The following DDX39B variants were observed in gnomAD, a reference collection of about 807,000 sequenced individuals.
The protein encoded by DDX39B is DExD-box helicase 39B, also known as spliceosome RNA helicase DDX39B.
In DDX39B, 6 loss-of-function variants were observed where a neutral mutation model predicts 46.4. That is an observed-to-expected ratio of 0.13 (90% CI 0.07 to 0.26). The LOEUF (loss-of-function observed/expected upper bound fraction) is 0.26, where lower values mean the gene tolerates loss of function less well. Among genes scored for constraint, DDX39B ranks in the 10% least tolerant of loss-of-function variants. DDX39B has a pLI of 1.00. For missense variants in DDX39B, 185 were observed against 553.4 expected (o/e 0.33, Z 6.68); for synonymous variants, 174 against 199.4 (o/e 0.87, Z 1.07).
rs1767296667 is a variant in DDX39B at position 31,532,600 on chromosome 6, C to T, written c.867+180G>A. The stretch of plus-strand genomic sequence containing the variant: ...GTTATTGAGGACATACCCGTGCCAG[C>T]CATAGAATAGAAAAGCAGCTCCCAC... On this transcript the variant is annotated intron_variant, in intron 7 of 10. Transcript: ENST00000396172. 5.6e-6 allele frequency: 4 copies of T among 711,404 alleles called. No individual in the cohort carries two copies. The South Asian group carries it at 7.9e-5, about 14-fold the overall frequency. The allele number at this position is 711,404 out of a possible 1,614,324, so 44.1% of individuals were successfully genotyped here. A position where few individuals can be genotyped will look rare whatever the true frequency, so the allele number is the denominator to read the frequency against.
intron 4 of DDX39B, among the ~76,000 whole-genome samples, chr6:31,537,240 A>C (rs1767883931): frequency 6.6e-6 from 1 of 152,206 alleles, no homozygotes; most frequent in Admixed American, 6.5e-5. Flanking sequence ...AGCCTGGCCA[A>C]CACGGTGAAA....
chr6:31,537,823 G>A (rs1767952790), intron 4 of DDX39B, among the ~76,000 whole-genome samples: 1 of 152,072 alleles, frequency 6.6e-6, no homozygotes, highest in Non-Finnish European at 1.5e-5. Flanking sequence ...ATCACTTGAG[G>A]TCAGGAGTTC....
intron 6 of DDX39B, chr6:31,533,125 G>C (rs1767377698): frequency 2.1e-6 from 1 of 473,536 alleles, no homozygotes; most frequent in Non-Finnish European, 3.9e-6. Context: ...TGAGTTTTAA[G>C]ACTGCCCAAC....
chr6:31,535,347 G>C lies in DDX39B; in HGVS notation c.735+20C>G, dbSNP rs767584076. On this transcript the variant is annotated intron_variant, in intron 6 of 10. Coordinates refer to ENST00000396172, the MANE Select transcript of DDX39B (RefSeq NM_004640.7). The surrounding 1 kb of genome is among the most constrained non-coding windows in gnomAD (Gnocchi z 4.6). The stretch of plus-strand genomic sequence containing the variant: ...GCAGCGGGCGGGGAGTGGAGGGAGA[G>C]AAGGTAGAAGGGTATTTACATCTTG... 3 of 1,608,506 alleles carry C rather than the reference G, an allele frequency of 1.9e-6. No homozygotes were observed. The East Asian group carries it at 6.7e-5, about 36-fold the overall frequency.
intron 1 of DDX39B, chr6:31,540,975 G>C: frequency 2.4e-6 from 1 of 423,454 alleles, no homozygotes; most frequent in Non-Finnish European, 4.6e-6. Context: ...GATAATAAAA[G>C]GTAAAATACG....
chr6:31,535,216 T>C lies in DDX39B; in HGVS notation c.735+151A>G, dbSNP rs1767651213. On this transcript the variant is annotated intron_variant, in intron 6 of 10. Coordinates refer to ENST00000396172, the MANE Select transcript of DDX39B (RefSeq NM_004640.7). This position sits in a 1 kb window ranked among gnomAD's most constrained non-coding sequence, Gnocchi z 4.6. ...GGCCCTAACACTAGCTGTCTCTGCTTCTGTATGTCTCTTCAAGGAGTCATT... is the reference window on the plus strand; with the variant it reads ...GGCCCTAACACTAGCTGTCTCTGCTCCTGTATGTCTCTTCAAGGAGTCATT... The C allele has an allele frequency of 1.3e-6, 1 of 744,672 alleles. No individual in the cohort carries two copies. The highest frequency in any genetic ancestry group is 1.5e-5 in the South Asian group (1 of 64,890). The allele number at this position is 744,672 out of a possible 1,614,324, so 46.1% of individuals were successfully genotyped here.
chr6:31,536,754 CTGTT>C (rs1239915430), intron 4 of DDX39B, 71 bp from the exon 5 acceptor site: 8 of 1,536,712 alleles, frequency 5.2e-6, no homozygotes, highest in South Asian at 2.4e-5. Context: ...GGTTCCCACT[CTGTT>C]TGAGCTAAAC....
At chr6:31,537,949 C>G (rs903652578) in intron 4 of DDX39B, among the ~76,000 whole-genome samples, 1 of 152,032 alleles carries the variant, frequency 6.6e-6, no homozygotes, top group East Asian at 1.9e-4. Context: ...GCGGGAGAAT[C>G]GCTTGAACGT....
intron 2 of DDX39B, 108 bp from the exon 3 acceptor site, chr6:31,539,382 T>G (rs1768146109): frequency 6.7e-7 from 1 of 1,494,740 alleles, no homozygotes; most frequent in African/African-American, 1.4e-5. Flanking sequence ...CAAAGTCTAG[T>G]ATTTACCTGG....
chr6:31,538,949 TAATA>T (rs1768085567), intron 3 of DDX39B, 94 bp from the exon 4 acceptor site: 1 of 1,487,694 alleles, frequency 6.7e-7, no homozygotes, highest in Non-Finnish European at 9.4e-7. Context: ...CCTGGGCCGA[TAATA>T]AATGACTTCA....
rs762530649 is a variant in DDX39B, at chr6:31,539,043, G to C, written c.339+104C>G. On this transcript the variant is annotated intron_variant, in intron 3 of 10. Transcript: ENST00000396172. ...TGTCAGGTTGTCAAGGGTAACAGAG[G>C]TCATGTGCTCATGGCTCTGCAAGCA... The C allele has an allele frequency of 2.5e-6, 4 of 1,593,538 alleles. 1 individual carries two copies.
At position 31,535,185 on chromosome 6, in the gene DDX39B, C is replaced by A; in HGVS notation, c.735+182G>T. ...AGTCTTCCGGAGTTTCCCTGGCACCCGCGCAGGCCCTAACACTAGCTGTCT... is the reference window on the plus strand; with the variant it reads ...AGTCTTCCGGAGTTTCCCTGGCACCAGCGCAGGCCCTAACACTAGCTGTCT... On this transcript the variant is annotated intron_variant, in intron 6 of 10. Transcript: ENST00000396172. The surrounding 1 kb of genome is among the most constrained non-coding windows in gnomAD (Gnocchi z 4.6). 1.6e-6 allele frequency: 1 copy of A among 637,068 alleles called. No individual in the cohort carries two copies. Among genetic ancestry groups the A allele is most frequent in the South Asian group, 1.9e-5 (1 of 53,914 alleles). 39.5% of individuals were successfully genotyped at this position (637,068 alleles called of 1,614,324 possible). A position where few individuals can be genotyped will look rare whatever the true frequency, so the allele number is the denominator to read the frequency against.
chr6:31,534,606 G>A lies in DDX39B; in HGVS notation c.735+761C>T, dbSNP rs544699457. On this transcript the variant is annotated intron_variant, in intron 6 of 10. Transcript: ENST00000396172. The surrounding 1 kb of genome is among the most constrained non-coding windows in gnomAD (Gnocchi z 5.1). ...CACATATTGGGGGAAACGGGGCACGGCACGCGTTGGGTTCAGGAAAAAAAC... is the reference window on the plus strand; with the variant it reads ...CACATATTGGGGGAAACGGGGCACGACACGCGTTGGGTTCAGGAAAAAAAC... 143 of 417,146 alleles carry A rather than the reference G, an allele frequency of 3.4e-4. 2 individuals carry two copies. The highest frequency in any genetic ancestry group is 2.6e-3 in the African/African-American group (123 of 47,672). 25.8% of individuals were successfully genotyped at this position (417,146 alleles called of 1,614,324 possible). A position where few individuals can be genotyped will look rare whatever the true frequency, so the allele number is the denominator to read the frequency against.
chr6:31,540,450 T>C lies in DDX39B; in HGVS notation c.83A>G (p.Glu28Gly). Residue 28 changes from glutamate to glycine, a missense_variant, in exon 2 of 11, where the codon GAG becomes GGG. Coordinates refer to ENST00000396172, the MANE Select transcript of DDX39B (RefSeq NM_004640.7). ...CTTGACATCCTTCTTGGCAGGGGCC[T>C]CAGCCCCATCTCCCCCAGCTGCTGT... The part of the protein sequence containing the change: ...VETAAGGDGA[E>G]APAKKDVKGS... 3 of 1,614,182 alleles carry C rather than the reference T, an allele frequency of 1.9e-6. No homozygotes were observed. The highest frequency in any genetic ancestry group is 2.5e-6 in the Non-Finnish European group (3 of 1,180,026).
In DDX39B at chr6:31,534,680, T is replaced by A. The variant is rs1646115684; in HGVS notation, c.735+687A>T. The A allele has an allele frequency of 2.8e-6, 1 of 357,922 alleles. No homozygotes were observed. Among genetic ancestry groups the A allele is most frequent in the Admixed American group, 3.7e-5 (1 of 26,876 alleles). The allele number at this position is 357,922 out of a possible 1,614,324, so 22.2% of individuals were successfully genotyped here. On this transcript the variant is annotated intron_variant, in intron 6 of 10. Transcript: ENST00000396172. The surrounding 1 kb of genome is among the most constrained non-coding windows in gnomAD (Gnocchi z 5.1). ...TTGGTCCTCAGCTTCCTGGTCAGGT[T>A]TCCCCGCGGCCTCCGCTGCCGCCAT...
rs1435104089 is a variant in DDX39B, at chr6:31,535,128, G to A, written c.735+239C>T. On this transcript the variant is annotated intron_variant, in intron 6 of 10. Coordinates refer to ENST00000396172, the MANE Select transcript of DDX39B (RefSeq NM_004640.7). The surrounding 1 kb of genome is among the most constrained non-coding windows in gnomAD (Gnocchi z 4.6). ...AAATGTTGTGATTTATGAAAAAGTCGAACACTACCCGCTCTCACATTAACC... is the reference window on the plus strand; with the variant it reads ...AAATGTTGTGATTTATGAAAAAGTCAAACACTACCCGCTCTCACATTAACC... 12 of 572,920 alleles carry A rather than the reference G, an allele frequency of 2.1e-5. No homozygotes were observed. The highest frequency in any genetic ancestry group is 3.1e-5 in the Non-Finnish European group (10 of 319,182). 35.5% of individuals were successfully genotyped at this position (572,920 alleles called of 1,614,324 possible).
At chr6:31,538,513 T>C (rs1768034587) in intron 4 of DDX39B, among the ~76,000 whole-genome samples, 2 of 152,192 alleles carry the variant, frequency 1.3e-5, no homozygotes, top group African/African-American at 2.4e-5. Context: ...CGGCTTTCTC[T>C]GCCACATACC....
Position 31,535,546 on chromosome 6 carries a change from G to T in DDX39B, c.617-61C>A. On this transcript the variant is annotated intron_variant, in intron 5 of 10. Transcript: ENST00000396172. The surrounding 1 kb of genome is among the most constrained non-coding windows in gnomAD (Gnocchi z 4.6). ...AAGCAGGTATGATAAACAAAGATTA[G>T]AGGTAGACTTCCCAGTGAGGTGAAG... 1 of 1,341,602 alleles carries T rather than the reference G, an allele frequency of 7.5e-7. No homozygotes were observed. Among genetic ancestry groups the T allele is most frequent in the Non-Finnish European group, 1.1e-6 (1 of 942,052 alleles). 83.1% of individuals were successfully genotyped at this position (1,341,602 alleles called of 1,614,324 possible).
chr6:31,537,659 C>T (rs1386172129), intron 4 of DDX39B, among the ~76,000 whole-genome samples: 1 of 152,012 alleles, frequency 6.6e-6, no homozygotes, highest in Non-Finnish European at 1.5e-5. Flanking sequence ...CAAATAACAC[C>T]AGAAACTACT....
Sources: allele counts gnomAD v4.1 joint callset (sites outside exome capture counted in the v4.1 genomes callset), GRCh38; gene constraint gnomAD v4.1.1; non-coding constraint Gnocchi (gnomAD v3.1); transcripts MANE v1.5; gene names NCBI Gene and HGNC (gene_info 2026-07-23, HGNC 2026-07-21).